The following BRDT variants were observed in gnomAD, a reference collection of about 807,000 sequenced individuals.
BRDT encodes the protein bromodomain testis associated.
Under a neutral mutation model 113.9 loss-of-function variants are expected in BRDT, and 77 were observed. The observed-to-expected ratio is 0.68, with a 90% CI of 0.56 to 0.82. The LOEUF is 0.82. BRDT is among the 40% of genes least tolerant of loss of function. BRDT has a pLI of 0.00. For synonymous variants in BRDT, 358 were observed against 366.5 expected (o/e 0.98, Z 0.26); for missense variants, 1,027 against 1,105.4 (o/e 0.93, Z 1.01).
intron 15 of BRDT, among the ~76,000 whole-genome samples, chr1:91,994,750 C>T (rs1449580831): frequency 6.7e-6 from 1 of 149,718 alleles, no homozygotes; most frequent in Non-Finnish European, 1.5e-5. Flanking sequence ...CGCCTGTAGT[C>T]CCAGCTACTT....
In BRDT at chr1:91,949,547, C is replaced by CTT. The variant is rs1680810456; in HGVS notation, c.-173_-172insTT. On this transcript the variant is annotated 5_prime_UTR_variant, in exon 1 of 19. An upstream open reading frame in the 5' UTR loses its in-frame stop. Transcript: ENST00000399546. ...AATGTACCCTCCACAGGGGGTGCTG[C>CTT]CTTAGGCCGGCCCCGAGGTGCGGCC... 1.3e-5 allele frequency: 2 copies of CTT among 152,278 alleles called. No homozygotes were observed. The highest frequency in any genetic ancestry group is 2.9e-5 in the Non-Finnish European group (2 of 68,112). The allele number at this position is 152,278 out of a possible 1,614,324, so 9.4% of individuals were successfully genotyped here.
chr1:91,970,309 G>C (rs1443956819), intron 4 of BRDT, among the ~76,000 whole-genome samples: 1 of 152,142 alleles, frequency 6.6e-6, no homozygotes, highest in African/African-American at 2.4e-5. Flanking sequence ...TGTCACCCTG[G>C]CTGGAGTGCA....
At chr1:91,970,032 G>T (rs556951237) in intron 4 of BRDT, among the ~76,000 whole-genome samples, 1 of 152,030 alleles carries the variant, frequency 6.6e-6, no homozygotes, top group African/African-American at 2.4e-5. Flanking sequence ...GTTTCACCAT[G>T]TTGGCCAGGC....
chr1:91,964,769 G>C lies in BRDT; in HGVS notation c.330+5G>C. On this transcript the variant is annotated splice_donor_5th_base_variant and intron_variant, in intron 3 of 18. Transcript: ENST00000399546. ...AATTGTTATTTATATAACAAGGTAT[G>C]TAAGCCTTATGTTATACTTGCTAAT... The C allele has an allele frequency of 6.9e-7, 1 of 1,451,960 alleles. No individual in the cohort carries two copies. Among genetic ancestry groups the C allele is most frequent in the Non-Finnish European group, 9.3e-7 (1 of 1,076,648 alleles). 89.9% of individuals were successfully genotyped at this position (1,451,960 alleles called of 1,614,324 possible). A position where few individuals can be genotyped will look rare whatever the true frequency, so the allele number is the denominator to read the frequency against.
intron 1 of BRDT, among the ~76,000 whole-genome samples, chr1:91,956,972 A>G (rs1681841853): frequency 6.6e-6 from 1 of 152,118 alleles, no homozygotes; most frequent in African/African-American, 2.4e-5. Context: ...TAAAATCTTG[A>G]TTACATTCAA....
At position 91,964,048 on chromosome 1, in the gene BRDT, G is replaced by GT. The variant is rs1483772228; in HGVS notation, c.193-570dup. 4.2e-3 allele frequency among the ~76,000 whole-genome samples: 624 copies of GT among 150,240 alleles called. 2 individuals are homozygous for GT. Among genetic ancestry groups the GT allele is most frequent in the African/African-American group, 9.1e-3 (371 of 40,982 alleles). ...CAGCACACCTGGCTAATTTTCTGTT[G>GT]TTTTTTTTTGTTGTTGTTGTTGTGT... On this transcript the variant is annotated intron_variant, in intron 2 of 18. Transcript: ENST00000399546.
chr1:91,975,136 T>C (rs1684005575), intron 4 of BRDT, among the ~76,000 whole-genome samples: 1 of 151,104 alleles, frequency 6.6e-6, no homozygotes, highest in African/African-American at 2.4e-5. Context: ...TGTCGTGGGG[T>C]AGGGGGAGTG....
chr1:91,958,062 C>T (rs1356937641), intron 1 of BRDT, among the ~76,000 whole-genome samples: 2 of 151,798 alleles, frequency 1.3e-5, no homozygotes, highest in Non-Finnish European at 2.9e-5. Flanking sequence ...AGGCTGGTCT[C>T]GAGCTCCCGA....
chr1:91,992,346 G>A (rs1310831773), intron 14 of BRDT, 32 bp downstream of exon 14: 3 of 1,450,492 alleles, frequency 2.1e-6, no homozygotes, highest in African/African-American at 2.9e-5. Flanking sequence ...AAAGAACAGG[G>A]GAAGAAATGG....
At chr1:91,962,282 CTTT>C (rs11310260) in intron 1 of BRDT, among the ~76,000 whole-genome samples, 2 of 134,618 alleles carry the variant, frequency 1.5e-5, no homozygotes, top group African/African-American at 2.8e-5. Context: ...TGCCATTTGG[CTTT>C]TTTTTTTTTT....
At chr1:91,997,983 T>A (rs1293297356) in intron 15 of BRDT, among the ~76,000 whole-genome samples, 1 of 152,210 alleles carries the variant, frequency 6.6e-6, no homozygotes, top group East Asian at 1.9e-4. Flanking sequence ...TGACAAAATG[T>A]TAGAGTACAT....
At chr1:92,001,742 T>C (rs925307751) in intron 15 of BRDT, among the ~76,000 whole-genome samples, 1 of 150,128 alleles carries the variant, frequency 6.7e-6, no homozygotes, top group African/African-American at 2.4e-5. Context: ...CAGTCTAAAC[T>C]GGAGAGCTGC....
At chr1:91,993,351 G>T (rs1333056010) in intron 14 of BRDT, among the ~76,000 whole-genome samples, 1 of 152,140 alleles carries the variant, frequency 6.6e-6, no homozygotes, top group Admixed American at 6.5e-5. Context: ...AGGCTACTGG[G>T]CTTTGCTACT....
At chr1:92,011,696 C>G (rs1157697306) in intron 18 of BRDT, among the ~76,000 whole-genome samples, 1 of 152,148 alleles carries the variant, frequency 6.6e-6, no homozygotes, top group African/African-American at 2.4e-5. Flanking sequence ...AAGCACTTTT[C>G]TGGAACATGA....
intron 18 of BRDT, among the ~76,000 whole-genome samples, chr1:92,013,950 A>G (rs1230188486): frequency 6.6e-6 from 1 of 152,176 alleles, no homozygotes; most frequent in Non-Finnish European, 1.5e-5. Context: ...GGAGGGGTCA[A>G]ACTTATTCTT....
chr1:91,980,392 G>A (rs1684604135), intron 8 of BRDT, among the ~76,000 whole-genome samples: 1 of 152,134 alleles, frequency 6.6e-6, no homozygotes. Flanking sequence ...ACCTGGAAAT[G>A]TTATTTATTC....
intron 12 of BRDT, among the ~76,000 whole-genome samples, chr1:91,983,410 A>G (rs1426806292): frequency 2.0e-5 from 3 of 151,528 alleles, no homozygotes; most frequent in Non-Finnish European, 4.4e-5. Flanking sequence ...GACTACAGGC[A>G]CGCCCAGCTA....
chr1:91,977,748 C>T (rs564037986), intron 6 of BRDT, among the ~76,000 whole-genome samples: 3 of 150,832 alleles, frequency 2.0e-5, no homozygotes, highest in East Asian at 1.9e-4. Flanking sequence ...GCATGCCTAT[C>T]GTTCCAGCTA....
At position 91,977,130 on chromosome 1, in the gene BRDT, A is replaced by AAG; in HGVS notation, c.706_707insAG (p.Thr236LysfsTer11). The AAG allele has an allele frequency of 6.2e-7, 1 of 1,613,846 alleles. No homozygotes were observed. Among genetic ancestry groups the AAG allele is most frequent in the Non-Finnish European group, 8.5e-7 (1 of 1,179,950 alleles). On this transcript the variant is annotated frameshift_variant, in exon 6 of 19. Transcript: ENST00000399546. LOFTEE classifies it high-confidence loss of function. ...AAGTAGTGAATTTTCTCCAACATTC[A>AAG]CAGAAAAATCAGTGGCACTGCCACC...
Sources: gnomAD v4.1 joint callset for allele counts (sites outside exome capture counted in the v4.1 genomes callset) on GRCh38, gnomAD v4.1.1 for gene constraint, MANE v1.5 for transcripts, NCBI Gene and HGNC (gene_info 2026-07-23, HGNC 2026-07-21) for gene names.